The following DRICH1 variants were observed in gnomAD, a reference collection of about 807,000 sequenced individuals.
DRICH1 encodes the protein aspartate rich 1, also known as aspartate-rich protein 1.
Under a neutral mutation model 39.5 loss-of-function variants are expected in DRICH1, and 38 were observed. The ratio of observed to expected loss-of-function variants is 0.96; its 90% confidence interval spans 0.74 to 1.26. DRICH1 has a LOEUF of 1.26. Among genes scored for constraint, DRICH1 ranks in the 50% most tolerant of loss-of-function variants. The pLI is 0.00. For missense variants in DRICH1, 279 were observed against 270.4 expected (o/e 1.03, Z -0.22); for synonymous variants, 84 against 99.5 (o/e 0.84, Z 0.93).
At position 23,618,453 on chromosome 22, in the gene DRICH1, TAAATATTA is replaced by T. The variant is rs1165267007; in HGVS notation, c.437-804_437-797del. On this transcript the variant is annotated intron_variant, in intron 6 of 11. Transcript: ENST00000317749. ...TTTTCATAGAGATCATTTAAAAAAT[TAAATATTA>T]AAATACTAAAATTAAAAATAGTCAT... Among the ~76,000 whole-genome samples the T allele has an allele frequency of 2.6e-5, 4 of 152,166 alleles. 1 individual carries two copies. Among genetic ancestry groups the T allele is most frequent in the Admixed American group, 2.6e-4 (4 of 15,268 alleles).
At chr22:23,606,680 G>T (rs150572815), downstream of DRICH1, among the ~76,000 whole-genome samples, 977 of 152,132 alleles carry the variant, frequency 6.4e-3, 11 homozygotes, top group Admixed American at 0.016. Flanking sequence ...GGGTCTCCTG[G>T]TGTGCCTGGG....
At chr22:23,611,471 A>G (rs1013868913) in intron 11 of DRICH1, among the ~76,000 whole-genome samples, 1 of 150,114 alleles carries the variant, frequency 6.7e-6, no homozygotes, top group African/African-American at 2.5e-5. Flanking sequence ...GGCTCACTGC[A>G]AACTCCGCCT....
the DRICH1 span, among the ~76,000 whole-genome samples, chr22:23,592,081 T>C: frequency 2.6e-5 from 4 of 152,202 alleles, no homozygotes; most frequent in Admixed American, 2.0e-4. Flanking sequence ...GCGGAAGGCA[T>C]GTTCAGGGAA....
Position 23,608,507 on chromosome 22 carries a change from C to T in DRICH1, c.*257G>A. On this transcript the variant is annotated 3_prime_UTR_variant, in exon 12 of 12. Transcript: ENST00000317749. ...GGAATGGCACTTTCTGCTCGTGGAGCACAGTCACGTCTCTTCTCACTCTCT... is the reference window on the plus strand; with the variant it reads ...GGAATGGCACTTTCTGCTCGTGGAGTACAGTCACGTCTCTTCTCACTCTCT... The T allele has an allele frequency of 2.0e-6, 1 of 509,776 alleles. No individual in the cohort carries two copies. The highest frequency in any genetic ancestry group is 3.5e-6 in the Non-Finnish European group (1 of 283,660). 31.6% of individuals were successfully genotyped at this position (509,776 alleles called of 1,614,324 possible).
chr22:23,613,670 T>C lies in DRICH1; in HGVS notation c.622-10A>G, dbSNP rs1286590470. 7 of 1,587,772 alleles carry C rather than the reference T, an allele frequency of 4.4e-6. No individual in the cohort carries two copies. The highest frequency in any genetic ancestry group is 1.7e-5 in the Admixed American group (1 of 59,252). On this transcript the variant is annotated splice_polypyrimidine_tract_variant and intron_variant, in intron 9 of 11. Transcript: ENST00000317749. Reference sequence around the variant, plus strand: ...CTATCCGAGCTGTTATCTGCAATTATATAAAAGAAAACATTATGAAAATCA... The same window carrying C: ...CTATCCGAGCTGTTATCTGCAATTACATAAAAGAAAACATTATGAAAATCA...
In DRICH1 at chr22:23,627,364, C is replaced by T. The variant is rs144684743; in HGVS notation, c.209-1316G>A. Among the ~76,000 whole-genome samples the T allele has an allele frequency of 1.3e-3, 200 of 152,234 alleles. 2 individuals carry two copies. The highest frequency in any genetic ancestry group is 4.6e-3 in the African/African-American group (192 of 41,546). Reference sequence around the variant, plus strand: ...CTGGAATTACAGGTGTGAGCCACCACGCCCGGCCCTGAACTTTTAATTGTA... The same window carrying T: ...CTGGAATTACAGGTGTGAGCCACCATGCCCGGCCCTGAACTTTTAATTGTA... On this transcript the variant is annotated intron_variant, in intron 1 of 11. Coordinates refer to ENST00000317749, the MANE Select transcript of DRICH1 (RefSeq NM_016449.4).
At chr22:23,606,349 G>A (rs371331920), downstream of DRICH1, among the ~76,000 whole-genome samples, 3 of 152,144 alleles carry the variant, frequency 2.0e-5, no homozygotes, top group African/African-American at 7.2e-5. Flanking sequence ...TTATGGGGGA[G>A]CCTTGCCTCA....
chr22:23,623,364 C>A (rs1927881374), intron 3 of DRICH1, among the ~76,000 whole-genome samples: 1 of 151,412 alleles, frequency 6.6e-6, no homozygotes. Flanking sequence ...GAGATCACAT[C>A]ACTGCACCCC....
At chr22:23,613,690 A>T (rs1323049708) in intron 9 of DRICH1, 30 bp from the exon 10 acceptor site, 1 of 1,550,736 alleles carries the variant, frequency 6.4e-7, no homozygotes, top group African/African-American at 1.4e-5. Context: ...AACATTATGA[A>T]AATCAGATTC....
chr22:23,617,796 G>C lies in DRICH1; in HGVS notation c.437-139C>G, dbSNP rs577690211. 2.6e-5 allele frequency: 21 copies of C among 799,248 alleles called. No individual in the cohort carries two copies. The African/African-American group carries it at 3.0e-4, about 11-fold the overall frequency. 49.5% of individuals were successfully genotyped at this position (799,248 alleles called of 1,614,324 possible). A position where few individuals can be genotyped will look rare whatever the true frequency, so the allele number is the denominator to read the frequency against. On this transcript the variant is annotated intron_variant, in intron 6 of 11. Coordinates refer to ENST00000317749, the MANE Select transcript of DRICH1 (RefSeq NM_016449.4). Reference sequence around the variant, plus strand: ...TTAATGCTGGAAGAGGGATGGCAGAGGAGGGGAGCAGGCATGAGGCATGGA... The same window carrying C: ...TTAATGCTGGAAGAGGGATGGCAGACGAGGGGAGCAGGCATGAGGCATGGA...
chr22:23,626,469 A>G (rs539126951), intron 1 of DRICH1, among the ~76,000 whole-genome samples: 4 of 152,284 alleles, frequency 2.6e-5, no homozygotes, highest in African/African-American at 4.8e-5. Context: ...ACTTCTACAC[A>G]TATTTCCTTT....
downstream of DRICH1, among the ~76,000 whole-genome samples, chr22:23,605,213 A>T (rs539498829): frequency 4.8e-4 from 73 of 152,314 alleles, no homozygotes; most frequent in African/African-American, 1.5e-3. Flanking sequence ...AAATGAACCC[A>T]GATGCTCAGT....
rs1928036248 is a variant in DRICH1 at position 23,625,967 on chromosome 22, A to G, written c.276+14T>C. ...AGCAACATTTCCTTAGAAGGCAAAG[A>G]AAGGGGGTCTTACCTTGGCATCATC... On this transcript the variant is annotated intron_variant, in intron 2 of 11. Coordinates refer to ENST00000317749, the MANE Select transcript of DRICH1 (RefSeq NM_016449.4). 3 of 1,606,218 alleles carry G rather than the reference A, an allele frequency of 1.9e-6. No individual in the cohort carries two copies. The highest frequency in any genetic ancestry group is 2.6e-6 in the Non-Finnish European group (3 of 1,173,786).
downstream of DRICH1, among the ~76,000 whole-genome samples, chr22:23,605,833 C>A (rs148730671): frequency 6.6e-6 from 1 of 152,084 alleles, no homozygotes; most frequent in African/African-American, 2.4e-5. Flanking sequence ...GTAATCCCAG[C>A]ACTTTGGGAG....
the DRICH1 span, among the ~76,000 whole-genome samples, chr22:23,594,421 T>G: frequency 6.6e-6 from 1 of 152,026 alleles, no homozygotes; most frequent in Non-Finnish European, 1.5e-5. Context: ...ATACAAAAAA[T>G]TAACCAGGTG....
chr22:23,588,528 C>T, the DRICH1 span, among the ~76,000 whole-genome samples: 1 of 152,244 alleles, frequency 6.6e-6, no homozygotes, highest in African/African-American at 2.4e-5. Context: ...GCAGGTCACA[C>T]CTGAGCTGCC....
intron 1 of DRICH1, among the ~76,000 whole-genome samples, chr22:23,628,808 T>C (rs1387675072): frequency 1.3e-5 from 2 of 152,140 alleles, no homozygotes; most frequent in Non-Finnish European, 2.9e-5. Context: ...ATTCCTGCTC[T>C]GCCCCCCCAC....
At position 23,632,238 on chromosome 22, in the gene DRICH1, A is replaced by G; in HGVS notation, c.-215T>C. The G allele has an allele frequency of 1.3e-6, 1 of 743,152 alleles. No individual in the cohort carries two copies. The allele number at this position is 743,152 out of a possible 1,614,324, so 46.0% of individuals were successfully genotyped here. On this transcript the variant is annotated 5_prime_UTR_variant, in exon 1 of 12. Transcript: ENST00000317749. ...GCTGTCTTCTTTGAAAAATAAACGA[A>G]CATGACAAGCACCCAAAGGTGCAAA...
chr22:23,581,875 A>G, the DRICH1 span, among the ~76,000 whole-genome samples: 1 of 145,726 alleles, frequency 6.9e-6, no homozygotes, highest in South Asian at 2.2e-4. Context: ...AAGTGCTGGG[A>G]TCACAGGTGT....
Sources: gnomAD v4.1 joint callset for allele counts (sites outside exome capture counted in the v4.1 genomes callset) on GRCh38, gnomAD v4.1.1 for gene constraint, MANE v1.5 for transcripts, NCBI Gene and HGNC (gene_info 2026-07-23, HGNC 2026-07-21) for gene names.